The following EXOC6B variants were observed in gnomAD, a reference collection of about 807,000 sequenced individuals.
EXOC6B encodes the protein SEC15 homolog B.
Under a neutral mutation model 113.5 loss-of-function variants are expected in EXOC6B, and 54 were observed. The ratio of observed to expected loss-of-function variants is 0.48; its 90% CI spans 0.38 to 0.60. The LOEUF (loss-of-function observed/expected upper bound fraction) is 0.60. Ranked by LOEUF, EXOC6B falls within the 20% of genes least tolerant of loss-of-function variation. EXOC6B has a pLI of 0.00. For missense variants in EXOC6B, 797 were observed against 977.5 expected (o/e 0.82, Z 2.46); for synonymous variants, 357 against 339.0 (o/e 1.05, Z -0.58).
At chr2:72,735,256 CT>C (rs917230833) in intron 2 of EXOC6B, among the ~76,000 whole-genome samples, 2 of 152,112 alleles carry the variant, frequency 1.3e-5, no homozygotes, top group African/African-American at 4.8e-5. Flanking sequence ...CCATTTCTCA[CT>C]TTTTTTCACC....
chr2:72,672,116 C>T (rs377374730), intron 6 of EXOC6B, among the ~76,000 whole-genome samples: 1 of 149,132 alleles, frequency 6.7e-6, no homozygotes, highest in African/African-American at 2.5e-5. Context: ...AGTACAGTCA[C>T]TACAGAGAAC....
chr2:72,670,740 G>A (rs1017132686), intron 6 of EXOC6B, among the ~76,000 whole-genome samples: 3 of 152,078 alleles, frequency 2.0e-5, no homozygotes, highest in African/African-American at 7.2e-5. Flanking sequence ...TCTACCTTCT[G>A]GCTCTTCTGC....
At chr2:72,219,272 A>G (rs778197407) in intron 20 of EXOC6B, among the ~76,000 whole-genome samples, 6 of 151,696 alleles carry the variant, frequency 4.0e-5, no homozygotes, top group Non-Finnish European at 8.8e-5. Context: ...AAGAGGGAGC[A>G]AGGGGGAAGG....
At chr2:72,657,268 C>G (rs1194613466) in intron 6 of EXOC6B, among the ~76,000 whole-genome samples, 1 of 148,178 alleles carries the variant, frequency 6.7e-6, no homozygotes, top group Non-Finnish European at 1.5e-5. Flanking sequence ...CTCTGTTGGC[C>G]AGGCTGGACT....
intron 6 of EXOC6B, among the ~76,000 whole-genome samples, chr2:72,625,792 C>T (rs945437006): frequency 2.6e-5 from 4 of 152,128 alleles, no homozygotes; most frequent in Non-Finnish European, 2.9e-5. Flanking sequence ...ACCACCACAG[C>T]GGATTATTAC....
chr2:72,247,675 C>A (rs1318582811), intron 20 of EXOC6B, among the ~76,000 whole-genome samples: 1 of 152,198 alleles, frequency 6.6e-6, no homozygotes, highest in East Asian at 1.9e-4. Context: ...CACGTAAACT[C>A]CCAGCTCCTT....
chr2:72,267,523 T>G (rs1684205423), intron 20 of EXOC6B, among the ~76,000 whole-genome samples: 1 of 152,218 alleles, frequency 6.6e-6, no homozygotes, highest in Non-Finnish European at 1.5e-5. Context: ...TCATGTGGTT[T>G]TTGTCATTGG....
At chr2:72,663,863 T>C (rs1675192138) in intron 6 of EXOC6B, among the ~76,000 whole-genome samples, 1 of 152,116 alleles carries the variant, frequency 6.6e-6, no homozygotes, top group Admixed American at 6.5e-5. Context: ...TTAATAATAA[T>C]GCATCAATAT....
At chr2:72,691,193 G>A (rs1275047002) in intron 6 of EXOC6B, among the ~76,000 whole-genome samples, 1 of 152,130 alleles carries the variant, frequency 6.6e-6, no homozygotes, top group East Asian at 1.9e-4. Flanking sequence ...CTGGAGTTAT[G>A]CTATCACAAA....
intron 19 of EXOC6B, among the ~76,000 whole-genome samples, chr2:72,358,640 C>T (rs995260515): frequency 6.6e-6 from 1 of 152,094 alleles, no homozygotes; most frequent in Admixed American, 6.6e-5. Context: ...TTTTAAAGGA[C>T]AATCTATTTC....
intron 5 of EXOC6B, among the ~76,000 whole-genome samples, chr2:72,724,293 A>G (rs973649011): frequency 6.6e-6 from 1 of 152,212 alleles, no homozygotes; most frequent in Non-Finnish European, 1.5e-5. Flanking sequence ...AACTCTGAAC[A>G]GTCAAAATGA....
intron 6 of EXOC6B, among the ~76,000 whole-genome samples, chr2:72,621,376 C>A (rs1406999715): frequency 2.0e-5 from 3 of 152,082 alleles, no homozygotes; most frequent in Non-Finnish European, 2.9e-5. Flanking sequence ...GAGCTGGAGG[C>A]CATAATCCTA....
intron 20 of EXOC6B, among the ~76,000 whole-genome samples, chr2:72,310,052 G>C (rs527831877): frequency 1.3e-5 from 2 of 152,158 alleles, no homozygotes; most frequent in African/African-American, 4.8e-5. Flanking sequence ...TAGACATCTG[G>C]CTGGTTTCTA....
At chr2:72,217,831 T>A (rs1460381025) in intron 20 of EXOC6B, among the ~76,000 whole-genome samples, 2 of 152,240 alleles carry the variant, frequency 1.3e-5, no homozygotes, top group Admixed American at 6.5e-5. Flanking sequence ...TGCTTTATTT[T>A]CTTTATGCCT....
At chr2:72,228,448 T>C (rs1681388249) in intron 20 of EXOC6B, among the ~76,000 whole-genome samples, 1 of 136,932 alleles carries the variant, frequency 7.3e-6, no homozygotes, top group African/African-American at 2.7e-5. Context: ...CCCCAGTGTG[T>C]GATGTTCCCC....
intron 6 of EXOC6B, among the ~76,000 whole-genome samples, chr2:72,653,999 T>G (rs1674410140): frequency 6.7e-6 from 1 of 150,320 alleles, no homozygotes; most frequent in Non-Finnish European, 1.5e-5. Context: ...AGACGGAGTC[T>G]TACTCTGTCG....
intron 6 of EXOC6B, among the ~76,000 whole-genome samples, chr2:72,599,889 CAA>C (rs147432110): frequency 2.1e-4 from 30 of 141,428 alleles, no homozygotes; most frequent in African/African-American, 7.0e-4. Context: ...TTAAAAAGAC[CAA>C]AAAAAAAACA....
At chr2:72,337,076 C>T (rs956141252) in intron 19 of EXOC6B, among the ~76,000 whole-genome samples, 2 of 151,532 alleles carry the variant, frequency 1.3e-5, no homozygotes, top group Non-Finnish European at 2.9e-5. Flanking sequence ...TAATAAAAAG[C>T]TTGATATAAT....
intron 18 of EXOC6B, among the ~76,000 whole-genome samples, chr2:72,425,599 T>C (rs1237331929): frequency 6.6e-6 from 1 of 152,170 alleles, no homozygotes; most frequent in Non-Finnish European, 1.5e-5. Context: ...GCCAGTTCTT[T>C]CTGAACTTTT....
Sources: gnomAD v4.1 joint callset for allele counts (sites outside exome capture counted in the v4.1 genomes callset) on GRCh38, gnomAD v4.1.1 for gene constraint, MANE v1.5 for transcripts, NCBI Gene and HGNC (gene_info 2026-07-23, HGNC 2026-07-21) for gene names.